The following PCDHA2 variants were observed in gnomAD, a reference collection of about 807,000 sequenced individuals.
The protein encoded by PCDHA2 is protocadherin alpha 2.
PCDHA2 carries 58 observed loss-of-function variants against 66.0 expected under a neutral mutation model. The ratio of observed to expected loss-of-function variants is 0.88; its 90% CI spans 0.71 to 1.09. The LOEUF is 1.09. Ranked by LOEUF, PCDHA2 falls within the 50% of genes least tolerant of loss-of-function variation. The pLI, the probability that PCDHA2 is intolerant of heterozygous loss-of-function variation, is 0.00. For synonymous variants in PCDHA2, 634 were observed against 554.0 expected (o/e 1.14, Z -2.03); for missense variants, 1,267 against 1,242.3 (o/e 1.02, Z -0.30).
At position 140,796,341 on chromosome 5, in the gene PCDHA2, G is replaced by A. The variant is rs917052248; in HGVS notation, c.1377G>A (p.Glu459=). 36 of 1,614,096 alleles carry A rather than the reference G, an allele frequency of 2.2e-5. No homozygotes were observed. Among genetic ancestry groups the A allele is most frequent in the Non-Finnish European group, 3.1e-5 (36 of 1,179,982 alleles). ...NDNAPAFAQP[E]YTVFVKENNP... is the part of the protein sequence containing the mutation. Reference sequence around the variant, plus strand: ...ACGCGCCGGCGTTCGCACAGCCTGAGTACACAGTATTCGTGAAGGAGAACA... The same window carrying A: ...ACGCGCCGGCGTTCGCACAGCCTGAATACACAGTATTCGTGAAGGAGAACA... The change falls in exon 1 of 4, where the codon GAG becomes GAA. Residue 459 remains glutamate (E), a synonymous_variant. Transcript: ENST00000526136.
chr5:140,823,319 A>G, intron 1 of PCDHA2: 10 of 1,612,228 alleles, frequency 6.2e-6, no homozygotes, highest in Non-Finnish European at 7.6e-6. Context: ...GAGAGCGGCA[A>G]GGTGTACGCG....
chr5:140,934,703 A>G (rs1348150058), intron 1 of PCDHA2, among the ~76,000 whole-genome samples: 1 of 152,156 alleles, frequency 6.6e-6, no homozygotes, highest in Non-Finnish European at 1.5e-5. Flanking sequence ...ATTCCTGGCC[A>G]TCTTACAAAA....
chr5:140,827,639 A>G (rs2150148590), intron 1 of PCDHA2, among the ~76,000 whole-genome samples: 6 of 152,354 alleles, frequency 3.9e-5, no homozygotes, highest in Admixed American at 1.3e-4. Context: ...AATAGTTTAC[A>G]TTTCTGATTT....
intron 1 of PCDHA2, chr5:140,968,207 A>C: frequency 6.2e-7 from 1 of 1,614,000 alleles, no homozygotes; most frequent in Non-Finnish European, 8.5e-7. Context: ...CATACAGGAG[A>C]ACAATTTGCC....
At position 140,877,008 on chromosome 5, in the gene PCDHA2, G is replaced by A. The variant is rs368922456; in HGVS notation, c.2388+79656G>A. On this transcript the variant is annotated intron_variant, in intron 1 of 3. Coordinates refer to ENST00000526136, the MANE Select transcript of PCDHA2 (RefSeq NM_018905.3). Reference sequence around the variant, plus strand: ...TGTCGAGCTACGTGTCGGTGCACGCGGAGAGCGGCAAGGTGTACGCGCTGC... The same window carrying A: ...TGTCGAGCTACGTGTCGGTGCACGCAGAGAGCGGCAAGGTGTACGCGCTGC... 82 of 1,612,526 alleles carry A rather than the reference G, an allele frequency of 5.1e-5. No homozygotes were observed. The African/African-American group carries it at 9.3e-4, about 18-fold the overall frequency.
chr5:140,850,137 A>G, intron 1 of PCDHA2: 1 of 1,595,786 alleles, frequency 6.3e-7, no homozygotes, highest in South Asian at 1.1e-5. Flanking sequence ...TCTGGGCAGC[A>G]ACGTGACGCT....
chr5:140,937,160 C>T lies in PCDHA2; in HGVS notation c.2389-41789C>T, dbSNP rs767846084. Among the ~76,000 whole-genome samples the T allele has an allele frequency of 1.0e-3, 155 of 151,762 alleles. 1 individual carries two copies. Among genetic ancestry groups the T allele is most frequent in the Admixed American group, 4.7e-3 (71 of 15,248 alleles). ...TCATGCCATTCTCCTGCCTCAGCCT[C>T]CCGAGTAGCTGGGACTACAGGCGCC... On this transcript the variant is annotated intron_variant, in intron 1 of 3. Coordinates refer to ENST00000526136, the MANE Select transcript of PCDHA2 (RefSeq NM_018905.3).
intron 1 of PCDHA2, among the ~76,000 whole-genome samples, chr5:140,892,616 G>C (rs781995267): frequency 6.6e-6 from 1 of 151,910 alleles, no homozygotes; most frequent in Non-Finnish European, 1.5e-5. Flanking sequence ...TTTATTTCCA[G>C]TTGGTACATA....
At chr5:140,993,463 CACACACACACACACACACA>C (rs1563592092) in intron 3 of PCDHA2, among the ~76,000 whole-genome samples, 163 of 7,580 alleles carry the variant, frequency 0.022, 1 homozygote, top group African/African-American at 0.091. Context: ...CTTTCTTTCT[CACACACACACACACACACA>C]CACACACACA....
At chr5:140,829,229 G>T (rs1554131821) in intron 1 of PCDHA2, 11 of 1,614,240 alleles carry the variant, frequency 6.8e-6, no homozygotes, top group Non-Finnish European at 8.5e-6. Flanking sequence ...CCTCGATTCA[G>T]GTGCCAACGG....
At chr5:140,947,171 A>G (rs2094098405) in intron 1 of PCDHA2, among the ~76,000 whole-genome samples, 2 of 151,546 alleles carry the variant, frequency 1.3e-5, no homozygotes, top group Non-Finnish European at 3.0e-5. Context: ...AAAATGTGGT[A>G]TATATTCATG....
chr5:140,876,801 G>A lies in PCDHA2; in HGVS notation c.2388+79449G>A, dbSNP rs1015597244. 3.1e-6 allele frequency: 5 copies of A among 1,614,114 alleles called. No homozygotes were observed. The African/African-American group carries it at 6.7e-5, about 22-fold the overall frequency. On this transcript the variant is annotated intron_variant, in intron 1 of 3. Transcript: ENST00000526136. ...TGTGGGCCACGGCTAGAGTGTCCGT[G>A]GAGGTGGCCGACGTGAACGACAATG...
intron 1 of PCDHA2, among the ~76,000 whole-genome samples, chr5:140,905,764 A>G (rs2072069491): frequency 6.6e-6 from 1 of 152,144 alleles, no homozygotes; most frequent in African/African-American, 2.4e-5. Flanking sequence ...TTGGTTAAGT[A>G]TATTCCGAAG....
chr5:141,009,239 G>T (rs1416549332), intron 3 of PCDHA2, among the ~76,000 whole-genome samples: 2 of 152,186 alleles, frequency 1.3e-5, no homozygotes, highest in Admixed American at 1.3e-4. Context: ...AGGATCTCTT[G>T]AGCTTCAGTG....
rs185281311 is a variant in PCDHA2 at position 140,896,058 on chromosome 5, G to A, written c.2389-82891G>A. The stretch of plus-strand genomic sequence containing the variant: ...ACTCCTGACCTCAGGTGATCCGCCT[G>A]CCTCGGCCTCCCAACATGCTGGGAT... On this transcript the variant is annotated intron_variant, in intron 1 of 3. Coordinates refer to ENST00000526136, the MANE Select transcript of PCDHA2 (RefSeq NM_018905.3). 4.1e-3 allele frequency among the ~76,000 whole-genome samples: 624 copies of A among 152,238 alleles called. 2 individuals carry two copies. The highest frequency in any genetic ancestry group is 6.8e-3 in the Middle Eastern group (2 of 294).
intron 1 of PCDHA2, chr5:140,803,492 C>T: frequency 6.2e-7 from 1 of 1,614,212 alleles, no homozygotes; most frequent in Non-Finnish European, 8.5e-7. Context: ...AGGGGTTGCC[C>T]AAGACCGACC....
At chr5:140,852,255 T>A (rs1554145733) in intron 1 of PCDHA2, 1 of 511,528 alleles carries the variant, frequency 2.0e-6, no homozygotes, top group Middle Eastern at 9.9e-4. Context: ...ACTTTTGGAA[T>A]ATGCTACAAT....
Position 140,796,314 on chromosome 5 carries a change from C to CA in PCDHA2, c.1352dup (p.Asn451LysfsTer9). On this transcript the variant is annotated frameshift_variant, in exon 1 of 4. Coordinates refer to ENST00000526136, the MANE Select transcript of PCDHA2 (RefSeq NM_018905.3). LOFTEE classifies it high-confidence loss of function. ...CCATCGAGGTGGCCGACGTGAACGA[C>CA]AACGCGCCGGCGTTCGCACAGCCTG... is the stretch of plus-strand genomic sequence containing the variant. 2.5e-6 allele frequency: 4 copies of CA among 1,614,132 alleles called. No individual in the cohort carries two copies. The highest frequency in any genetic ancestry group is 3.4e-6 in the Non-Finnish European group (4 of 1,180,020).
intron 1 of PCDHA2, chr5:140,882,094 C>A: frequency 2.6e-6 from 3 of 1,172,678 alleles, no homozygotes; most frequent in Non-Finnish European, 3.5e-6. Flanking sequence ...TCACTGAGAA[C>A]GTTTCCGCGA....
Sources: gnomAD v4.1 joint callset for allele counts (sites outside exome capture counted in the v4.1 genomes callset) on GRCh38, gnomAD v4.1.1 for gene constraint, MANE v1.5 for transcripts, NCBI Gene and HGNC (gene_info 2026-07-23, HGNC 2026-07-21) for gene names.